The following ILRUN variants were observed in gnomAD, a reference collection of about 807,000 sequenced individuals.
The protein encoded by ILRUN is inflammation and lipid regulator with UBA-like and NBR1-like domains, also known as protein ILRUN.
In ILRUN, 3 loss-of-function variants were observed where a neutral mutation model predicts 33.8. That is an observed-to-expected ratio of 0.09 (90% CI 0.04 to 0.23). The LOEUF is 0.23. Ranked by LOEUF, ILRUN falls within the 10% of genes least tolerant of loss-of-function variation. The probability of loss-of-function intolerance (pLI) is 1.00; values close to 1 mark genes in which losing one functional copy is unlikely to be tolerated. For synonymous variants in ILRUN, 124 were observed against 138.9 expected, an observed-to-expected ratio of 0.89 and a Z score of 0.75; for missense variants, 210 against 375.1, an observed-to-expected ratio of 0.56 and a Z score of 3.64.
chr6:34,603,409 C>T (rs964147183), intron 4 of ILRUN, among the ~76,000 whole-genome samples: 4 of 152,128 alleles, frequency 2.6e-5, no homozygotes, highest in African/African-American at 7.2e-5. Context: ...CCGAGGCGGG[C>T]GGATCACGGG....
At chr6:34,645,168 C>T (rs962355661) in intron 3 of ILRUN, among the ~76,000 whole-genome samples, 1 of 152,112 alleles carries the variant, frequency 6.6e-6, no homozygotes, top group Non-Finnish European at 1.5e-5. Context: ...TCCCACTGGC[C>T]CACAGGCCAT....
chr6:34,600,684 T>G (rs1475394947), intron 4 of ILRUN, among the ~76,000 whole-genome samples: 2 of 152,296 alleles, frequency 1.3e-5, no homozygotes, highest in African/African-American at 4.8e-5. Flanking sequence ...CTAGGTAATC[T>G]TTTCCCTTCT....
intron 3 of ILRUN, among the ~76,000 whole-genome samples, chr6:34,609,075 C>T (rs1430023374): frequency 1.3e-5 from 2 of 152,250 alleles, no homozygotes; most frequent in South Asian, 4.1e-4. Flanking sequence ...CAGTTAGCTA[C>T]CTAGAAATAG....
chr6:34,675,966 C>T (rs115961558), intron 1 of ILRUN, among the ~76,000 whole-genome samples: 133 of 152,194 alleles, frequency 8.7e-4, no homozygotes, highest in African/African-American at 3.0e-3. Context: ...AAGAGTGTAG[C>T]AAAACTCTTG....
chr6:34,632,252 C>A (rs1320668616), intron 3 of ILRUN, among the ~76,000 whole-genome samples: 1 of 151,966 alleles, frequency 6.6e-6, no homozygotes, highest in Non-Finnish European at 1.5e-5. Context: ...ACCAGCCTGG[C>A]CAACATGGAG....
At chr6:34,644,627 T>C (rs1047559132) in intron 3 of ILRUN, among the ~76,000 whole-genome samples, 1 of 152,150 alleles carries the variant, frequency 6.6e-6, no homozygotes, top group African/African-American at 2.4e-5. Context: ...ATTCAACAAA[T>C]TGTTCACAAT....
In ILRUN at chr6:34,616,452, G is replaced by C. The variant is rs1167579543; in HGVS notation, c.512-9548C>G. On this transcript the variant is annotated intron_variant, in intron 3 of 4. Transcript: ENST00000374023. ...GCTGGGTGTGTACTGTCTAGCTTCA[G>C]TGAGAAAGGCTTGAAAGTGGACTGA... 7 of 623,310 alleles carry C rather than the reference G, an allele frequency of 1.1e-5. No homozygotes were observed. The African/African-American group carries it at 1.3e-4, about 11-fold the overall frequency. The allele number at this position is 623,310 out of a possible 1,614,324, so 38.6% of individuals were successfully genotyped here. A position where few individuals can be genotyped will look rare whatever the true frequency, so the allele number is the denominator to read the frequency against.
At chr6:34,602,090 A>T (rs548540490) in intron 4 of ILRUN, among the ~76,000 whole-genome samples, 2 of 152,344 alleles carry the variant, frequency 1.3e-5, no homozygotes, top group South Asian at 4.1e-4. Flanking sequence ...AAGTGGGAAT[A>T]TATGGCATAT....
intron 1 of ILRUN, among the ~76,000 whole-genome samples, chr6:34,691,091 T>C (rs1763641183): frequency 6.6e-6 from 1 of 152,058 alleles, no homozygotes; most frequent in Non-Finnish European, 1.5e-5. Flanking sequence ...GGTTCCACCA[T>C]GTTAGCCAGG....
In ILRUN at chr6:34,632,035, A is replaced by G. The variant is rs185297857; in HGVS notation, c.511+14566T>C. On this transcript the variant is annotated intron_variant, in intron 3 of 4. Coordinates refer to ENST00000374023, the MANE Select transcript of ILRUN (RefSeq NM_024294.4). ...AAGTTCTAAAACATTAGTGAATGGGAGAAAAAAGTAGGTTACATAAGAATA... is the reference window on the plus strand; with the variant it reads ...AAGTTCTAAAACATTAGTGAATGGGGGAAAAAAGTAGGTTACATAAGAATA... Among the ~76,000 whole-genome samples the G allele has an allele frequency of 2.0e-3, 303 of 152,352 alleles. 5 individuals are homozygous for G. The highest frequency in any genetic ancestry group is 1.0e-3 in the Non-Finnish European group (71 of 68,042).
intron 4 of ILRUN, among the ~76,000 whole-genome samples, chr6:34,601,653 G>A (rs981684356): frequency 5.3e-5 from 8 of 151,578 alleles, no homozygotes; most frequent in Admixed American, 2.0e-4. Context: ...CCATTACATC[G>A]CCAGGCCCAT....
chr6:34,602,415 C>CT (rs1208795133), intron 4 of ILRUN, among the ~76,000 whole-genome samples: 2 of 152,000 alleles, frequency 1.3e-5, no homozygotes, highest in African/African-American at 4.8e-5. Flanking sequence ...TTTAACAGGA[C>CT]TTTTTTTTCT....
intron 1 of ILRUN, among the ~76,000 whole-genome samples, chr6:34,695,916 T>C (rs1763760096): frequency 6.9e-6 from 1 of 144,416 alleles, no homozygotes; most frequent in African/African-American, 2.6e-5. Context: ...GACAGACACA[T>C]AAATTAATCT....
At chr6:34,677,077 C>G (rs966537374) in intron 1 of ILRUN, among the ~76,000 whole-genome samples, 1 of 151,584 alleles carries the variant, frequency 6.6e-6, no homozygotes, top group Non-Finnish European at 1.5e-5. Flanking sequence ...GAGGCCAAGG[C>G]AGGCAGATTA....
intron 3 of ILRUN, among the ~76,000 whole-genome samples, chr6:34,610,972 T>TAA (rs1374663986): frequency 3.3e-5 from 5 of 152,020 alleles, no homozygotes; most frequent in African/African-American, 1.2e-4. Flanking sequence ...GCACTCTGGG[T>TAA]GGTTGAGGAA....
In ILRUN at chr6:34,592,719, C is replaced by T. The variant is rs897935943; in HGVS notation, c.862-2119G>A. ...TAACTTTTACACCAACCTAATAGAA[C>T]GTAAAGCAGCTTAAAACAAGCTGCC... On this transcript the variant is annotated intron_variant, in intron 4 of 4. Transcript: ENST00000374023. This position sits in a 1 kb window ranked among gnomAD's most constrained non-coding sequence, Gnocchi z 4.0. Among the ~76,000 whole-genome samples, 7 of 152,032 alleles carry T rather than the reference C, an allele frequency of 4.6e-5. No homozygotes were observed. Among genetic ancestry groups the T allele is most frequent in the African/African-American group, 7.2e-5 (3 of 41,394 alleles).
chr6:34,628,375 G>A (rs899010432), intron 3 of ILRUN, among the ~76,000 whole-genome samples: 4 of 151,684 alleles, frequency 2.6e-5, no homozygotes, highest in Non-Finnish European at 4.4e-5. Flanking sequence ...CCAGGCTGGA[G>A]TGCAGTGGCA....
intron 2 of ILRUN, among the ~76,000 whole-genome samples, chr6:34,650,746 C>T (rs1191306066): frequency 6.6e-6 from 1 of 152,060 alleles, no homozygotes; most frequent in Non-Finnish European, 1.5e-5. Flanking sequence ...CTATCTACCA[C>T]GCCTGGCCAG....
chr6:34,663,208 T>C (rs184714998), intron 1 of ILRUN, among the ~76,000 whole-genome samples: 4 of 152,300 alleles, frequency 2.6e-5, no homozygotes, highest in African/African-American at 9.6e-5. Context: ...GAGTACTTAA[T>C]GCCAGGAGTT....
Sources: allele counts gnomAD v4.1 joint callset (sites outside exome capture counted in the v4.1 genomes callset), GRCh38; gene constraint gnomAD v4.1.1; non-coding constraint Gnocchi (gnomAD v3.1); transcripts MANE v1.5; gene names NCBI Gene and HGNC (gene_info 2026-07-23, HGNC 2026-07-21).